Variants in CDKAL1 observed in about 807,000 individuals in gnomAD.
CDKAL1 encodes the protein CDKAL1 threonylcarbamoyladenosine tRNA methylthiotransferase, also known as threonylcarbamoyladenosine tRNA methylthiotransferase.
CDKAL1 carries 32 observed loss-of-function variants against 68.2 expected under a neutral mutation model. That is an observed-to-expected ratio of 0.47 (90% CI 0.35 to 0.63). The LOEUF is 0.63. Ranked by LOEUF, CDKAL1 falls within the 30% of genes least tolerant of loss-of-function variation. The pLI, the probability that CDKAL1 is intolerant of heterozygous loss-of-function variation, is 0.00. For missense variants in CDKAL1, 606 were observed against 696.7 expected, an observed-to-expected ratio of 0.87 and a Z score of 1.47; for synonymous variants, 234 against 244.3, an observed-to-expected ratio of 0.96 and a Z score of 0.39.
intron 10 of CDKAL1, among the ~76,000 whole-genome samples, chr6:20,989,796 A>C (rs1029111953): frequency 2.0e-5 from 3 of 152,166 alleles, no homozygotes; most frequent in Non-Finnish European, 4.4e-5. Context: ...TTTTATTTCA[A>C]AACTAATACA....
At chr6:20,621,866 A>C (rs904895742) in intron 4 of CDKAL1, among the ~76,000 whole-genome samples, 2 of 151,166 alleles carry the variant, frequency 1.3e-5, no homozygotes, top group East Asian at 3.9e-4. Context: ...CCATTTCTCC[A>C]AGAAGCCTTG....
chr6:21,085,306 A>G (rs1463175767), intron 12 of CDKAL1, among the ~76,000 whole-genome samples: 3 of 152,140 alleles, frequency 2.0e-5, no homozygotes, highest in African/African-American at 7.2e-5. Context: ...AAAATTGTTA[A>G]TTTGCCTGGT....
chr6:21,018,633 A>C (rs1768467659), intron 11 of CDKAL1, among the ~76,000 whole-genome samples: 1 of 152,236 alleles, frequency 6.6e-6, no homozygotes, highest in Non-Finnish European at 1.5e-5. Flanking sequence ...CCTGTTGCAA[A>C]TATTATGACA....
intron 9 of CDKAL1, among the ~76,000 whole-genome samples, chr6:20,891,534 GTA>G (rs1185501412): frequency 5.4e-5 from 5 of 92,136 alleles, no homozygotes; most frequent in African/African-American, 2.1e-4. Flanking sequence ...TCTTTTTTCT[GTA>G]TTTTTTTTTT....
intron 12 of CDKAL1, among the ~76,000 whole-genome samples, chr6:21,096,339 G>A (rs543671230): frequency 2.0e-5 from 3 of 152,274 alleles, no homozygotes; most frequent in South Asian, 4.1e-4. Flanking sequence ...GTGGATTAGC[G>A]TCTGGAAGCT....
In CDKAL1 at chr6:21,030,744, G is replaced by T. The variant is rs150387553; in HGVS notation, c.1055+30372G>T. 1.2e-4 allele frequency among the ~76,000 whole-genome samples: 19 copies of T among 152,228 alleles called. No individual in the cohort carries two copies. The East Asian group carries it at 3.7e-3, about 29-fold the overall frequency. The stretch of plus-strand genomic sequence containing the variant: ...TTGTATTTCTTTATTTTGCAGAAGG[G>T]AATGCATGCATATGAGGAGGAATGT... On this transcript the variant is annotated intron_variant, in intron 11 of 15. Coordinates refer to ENST00000274695, the MANE Select transcript of CDKAL1 (RefSeq NM_017774.3).
chr6:21,004,860 G>C (rs1049374099), intron 11 of CDKAL1, among the ~76,000 whole-genome samples: 2 of 152,190 alleles, frequency 1.3e-5, no homozygotes, highest in African/African-American at 4.8e-5. Context: ...TACTAGGGAG[G>C]CTGAGGCAGG....
chr6:21,069,390 G>A (rs1771628692), intron 12 of CDKAL1, among the ~76,000 whole-genome samples: 1 of 151,988 alleles, frequency 6.6e-6, no homozygotes, highest in South Asian at 2.1e-4. Flanking sequence ...ATGCTTTTTT[G>A]TCTATTGAAA....
At chr6:20,696,709 A>G (rs917870017) in intron 5 of CDKAL1, among the ~76,000 whole-genome samples, 6 of 152,226 alleles carry the variant, frequency 3.9e-5, no homozygotes, top group Admixed American at 2.0e-4. Context: ...ATGGTAGAAT[A>G]AGAATCACAG....
chr6:20,685,040 A>T (rs1770554712), intron 5 of CDKAL1, among the ~76,000 whole-genome samples: 1 of 152,066 alleles, frequency 6.6e-6, no homozygotes, highest in Non-Finnish European at 1.5e-5. Context: ...GTGTTCATGG[A>T]GTGTGCCTTT....
At chr6:21,152,151 G>A (rs1776440903) in intron 13 of CDKAL1, among the ~76,000 whole-genome samples, 2 of 152,092 alleles carry the variant, frequency 1.3e-5, no homozygotes, top group Admixed American at 6.5e-5. Flanking sequence ...TCTTTTTTCT[G>A]TCTTTCGTGT....
At chr6:20,874,181 C>T (rs961696406) in intron 9 of CDKAL1, among the ~76,000 whole-genome samples, 4 of 152,012 alleles carry the variant, frequency 2.6e-5, no homozygotes, top group Non-Finnish European at 5.9e-5. Context: ...ACCATGGAAA[C>T]AATGGAAATG....
intron 11 of CDKAL1, among the ~76,000 whole-genome samples, chr6:21,027,087 GC>G (rs1377553725): frequency 1.3e-5 from 2 of 151,922 alleles, no homozygotes; most frequent in East Asian, 3.9e-4. Context: ...TCATCTCCCA[GC>G]CATAACCCTA....
At chr6:21,016,380 C>T (rs1419361611) in intron 11 of CDKAL1, among the ~76,000 whole-genome samples, 1 of 152,010 alleles carries the variant, frequency 6.6e-6, no homozygotes, top group Non-Finnish European at 1.5e-5. Context: ...AGTGACCTAC[C>T]TCCCCACACC....
At chr6:20,587,959 T>C (rs140454211) in intron 4 of CDKAL1, among the ~76,000 whole-genome samples, 3 of 152,136 alleles carry the variant, frequency 2.0e-5, no homozygotes, top group African/African-American at 4.8e-5. Flanking sequence ...TAGCCAGGCA[T>C]GGTGGCATGC....
intron 5 of CDKAL1, among the ~76,000 whole-genome samples, chr6:20,693,441 T>A (rs1770963906): frequency 6.6e-6 from 1 of 151,396 alleles, no homozygotes; most frequent in South Asian, 2.1e-4. Context: ...TATAGAACTG[T>A]CAGTTGTCTG....
chr6:21,048,575 G>C (rs922950737), intron 11 of CDKAL1, among the ~76,000 whole-genome samples: 5 of 151,958 alleles, frequency 3.3e-5, no homozygotes, highest in African/African-American at 1.2e-4. Context: ...TATACCAATT[G>C]CACTTTAGGA....
At chr6:20,870,178 G>C (rs1760132147) in intron 9 of CDKAL1, among the ~76,000 whole-genome samples, 1 of 152,228 alleles carries the variant, frequency 6.6e-6, no homozygotes, top group African/African-American at 2.4e-5. Context: ...TGAGGTCAGT[G>C]TTTGTCAGTG....
intron 2 of CDKAL1, 44 bp from the exon 3 acceptor site, chr6:20,546,302 C>T (rs1320682297): frequency 2.1e-6 from 3 of 1,431,116 alleles, no homozygotes; most frequent in Non-Finnish European, 2.9e-6. Flanking sequence ...CTACGCTAAG[C>T]AGATTTTCAT....
Sources: gnomAD v4.1 joint callset for allele counts (sites outside exome capture counted in the v4.1 genomes callset) on GRCh38, gnomAD v4.1.1 for gene constraint, MANE v1.5 for transcripts, NCBI Gene and HGNC (gene_info 2026-07-23, HGNC 2026-07-21) for gene names.